Variants in SNX29 observed in about 807,000 individuals in gnomAD.
SNX29 encodes the protein sorting nexin 29, also known as sorting nexin-29.
SNX29 carries 78 observed loss-of-function variants against 102.1 expected under a neutral mutation model. The observed-to-expected ratio is 0.76, with a 90% confidence interval of 0.64 to 0.92. The LOEUF (loss-of-function observed/expected upper bound fraction) is 0.92. Ranked by LOEUF, SNX29 falls within the 40% of genes least tolerant of loss-of-function variation. The pLI is 0.00. For missense variants in SNX29, 1,280 were observed against 1,061.7 expected, an observed-to-expected ratio of 1.21 and a Z score of -2.86; for synonymous variants, 580 against 414.5, an observed-to-expected ratio of 1.40 and a Z score of -4.85.
chr16:12,280,263 G>C (rs1212531059), intron 15 of SNX29, among the ~76,000 whole-genome samples: 1 of 152,226 alleles, frequency 6.6e-6, no homozygotes, highest in Non-Finnish European at 1.5e-5. Context: ...GATGAGGGGA[G>C]AAAGGTGATG....
chr16:12,387,246 G>A lies in SNX29; in HGVS notation c.1900-11200G>A, dbSNP rs115617311. Among the ~76,000 whole-genome samples the A allele has an allele frequency of 4.2e-3, 635 of 152,278 alleles. 4 individuals are homozygous for A. Among genetic ancestry groups the A allele is most frequent in the African/African-American group, 0.015 (612 of 41,548 alleles). On this transcript the variant is annotated intron_variant, in intron 16 of 20. Coordinates refer to ENST00000566228, the MANE Select transcript of SNX29 (RefSeq NM_032167.5). ...CTGATTGGGAGGGAAGCAGGACTGCGGCAGTCCTCCTTGTTCCTCATCACA... is the reference window on the plus strand; with the variant it reads ...CTGATTGGGAGGGAAGCAGGACTGCAGCAGTCCTCCTTGTTCCTCATCACA...
intron 15 of SNX29, among the ~76,000 whole-genome samples, chr16:12,317,649 C>A (rs189925625): frequency 3.0e-4 from 45 of 152,356 alleles, no homozygotes; most frequent in African/African-American, 1.0e-3. Flanking sequence ...TTAATTAACA[C>A]CTGACATCAG....
intron 9 of SNX29, among the ~76,000 whole-genome samples, chr16:12,068,111 A>G (rs2051121532): frequency 6.6e-6 from 1 of 152,144 alleles, no homozygotes. Flanking sequence ...CAGCAAGCTG[A>G]TTCATTATAC....
At chr16:12,298,351 A>G (rs1202872424) in intron 15 of SNX29, among the ~76,000 whole-genome samples, 2 of 152,210 alleles carry the variant, frequency 1.3e-5, no homozygotes, top group African/African-American at 4.8e-5. Flanking sequence ...CATCCCCTGG[A>G]TGGTTTTCTG....
intron 14 of SNX29, among the ~76,000 whole-genome samples, chr16:12,252,752 G>C (rs2078458476): frequency 6.6e-6 from 1 of 152,196 alleles, no homozygotes; most frequent in Admixed American, 6.5e-5. Flanking sequence ...ACCCCTAAGA[G>C]GCAGCCGCCA....
At chr16:12,019,582 A>T (rs2056954882) in intron 3 of SNX29, among the ~76,000 whole-genome samples, 1 of 139,372 alleles carries the variant, frequency 7.2e-6, no homozygotes, top group Non-Finnish European at 1.6e-5. Context: ...ATATATGTAA[A>T]TATATATATA....
At chr16:12,472,639 TCA>T (rs1415980694) in intron 18 of SNX29, among the ~76,000 whole-genome samples, 1 of 151,908 alleles carries the variant, frequency 6.6e-6, no homozygotes, top group East Asian at 1.9e-4. Flanking sequence ...CAGTCAAGTC[TCA>T]TAGGAACACT....
intron 13 of SNX29, among the ~76,000 whole-genome samples, chr16:12,186,943 T>C (rs1453655320): frequency 1.3e-5 from 2 of 152,228 alleles, no homozygotes; most frequent in Admixed American, 6.5e-5. Context: ...AAGAGAGATG[T>C]AGCACTCAGT....
rs193066148 is a variant in SNX29 at position 12,572,765 on chromosome 16, G to C, written c.*4136G>C. On this transcript the variant is annotated 3_prime_UTR_variant, in exon 21 of 21. Transcript: ENST00000566228. ...GCTGGGTTTTCAGCTTCTGGGACCC[G>C]AGGAAGACCCCACCTCACTCCTCCT... 7.5e-6 allele frequency: 8 copies of C among 1,063,910 alleles called. No individual in the cohort carries two copies. Among genetic ancestry groups the C allele is most frequent in the Non-Finnish European group, 9.1e-6 (8 of 878,380 alleles). 65.9% of individuals were successfully genotyped at this position (1,063,910 alleles called of 1,614,324 possible). A position where few individuals can be genotyped will look rare whatever the true frequency, so the allele number is the denominator to read the frequency against.
At position 12,173,118 on chromosome 16, in the gene SNX29, C is replaced by T. The variant is rs553671457; in HGVS notation, c.1596-26483C>T. ...ATTGCTCTGCAAGGAAGTCAATTGG[C>T]GCCGGTAAGTTCTGTGGAACCGACA... On this transcript the variant is annotated intron_variant, in intron 13 of 20. Transcript: ENST00000566228. 4.9e-4 allele frequency among the ~76,000 whole-genome samples: 75 copies of T among 152,282 alleles called. 1 individual carries two copies. The Middle Eastern group carries it at 0.024, about 48-fold the overall frequency.
At chr16:12,181,640 G>A (rs2076387421) in intron 13 of SNX29, among the ~76,000 whole-genome samples, 1 of 151,964 alleles carries the variant, frequency 6.6e-6, no homozygotes, top group Admixed American at 6.5e-5. Flanking sequence ...ACCTGTTGGT[G>A]ATTTGCGGGG....
chr16:12,451,143 C>A (rs2086282792), intron 18 of SNX29, among the ~76,000 whole-genome samples: 1 of 152,176 alleles, frequency 6.6e-6, no homozygotes, highest in African/African-American at 2.4e-5. Flanking sequence ...TTTATTGATT[C>A]AACAATCTGC....
rs2057366429 is a variant in SNX29 at position 12,032,242 on chromosome 16, C to A, written c.247+4798C>A. The stretch of plus-strand genomic sequence containing the variant: ...TTTTGATGGAGCCTTGCTCTGTTGC[C>A]CAGTTTGCTGGAGTACAGTAAGTAG... On this transcript the variant is annotated intron_variant, in intron 4 of 20. Coordinates refer to ENST00000566228, the MANE Select transcript of SNX29 (RefSeq NM_032167.5). Among the ~76,000 whole-genome samples, 9 of 149,742 alleles carry A rather than the reference C, an allele frequency of 6.0e-5. 1 individual carries two copies. In the South Asian group the frequency reaches 1.9e-3, roughly 32 times the overall value.
rs772175264 is a variant in SNX29 at position 12,277,855 on chromosome 16, G to T, written c.1679-78G>T. Reference sequence around the variant, plus strand: ...CAGTCTGAAGTCATCTGAGAAAGAAGAATTTTTTCTTTTTTTACTGGGAGA... The same window carrying T: ...CAGTCTGAAGTCATCTGAGAAAGAATAATTTTTTCTTTTTTTACTGGGAGA... On this transcript the variant is annotated intron_variant, in intron 14 of 20. Transcript: ENST00000566228. The T allele has an allele frequency of 7.7e-6, 10 of 1,293,552 alleles. No individual in the cohort carries two copies. The Admixed American group carries it at 2.0e-4, about 26-fold the overall frequency. 80.1% of individuals were successfully genotyped at this position (1,293,552 alleles called of 1,614,324 possible).
At chr16:12,546,815 C>G (rs1030443315) in intron 20 of SNX29, 1 of 152,250 alleles carries the variant, frequency 6.6e-6, no homozygotes, top group Middle Eastern at 3.4e-3. Context: ...GGATTGCTTT[C>G]AAAATATATG....
At chr16:12,316,030 C>T (rs2080722243) in intron 15 of SNX29, among the ~76,000 whole-genome samples, 1 of 152,188 alleles carries the variant, frequency 6.6e-6, no homozygotes, top group African/African-American at 2.4e-5. Context: ...CAGCTGAGTG[C>T]TCCGAAGAAG....
At chr16:12,553,341 A>G (rs183897680) in intron 20 of SNX29, among the ~76,000 whole-genome samples, 1 of 152,312 alleles carries the variant, frequency 6.6e-6, no homozygotes, top group East Asian at 1.9e-4. Context: ...CAGGCAGAGA[A>G]ACCAGCTCGT....
intron 4 of SNX29, among the ~76,000 whole-genome samples, chr16:12,042,645 T>C (rs903881908): frequency 1.3e-5 from 2 of 152,226 alleles, no homozygotes; most frequent in African/African-American, 2.4e-5. Flanking sequence ...TGTTGCTGCA[T>C]AGGACACAAT....
intron 20 of SNX29, among the ~76,000 whole-genome samples, chr16:12,560,450 CTT>C (rs1243800258): frequency 6.6e-6 from 1 of 152,162 alleles, no homozygotes; most frequent in Admixed American, 6.5e-5. Context: ...AGCCCCGAGT[CTT>C]TTGGGTTCTT....
Sources: gnomAD v4.1 joint callset for allele counts (sites outside exome capture counted in the v4.1 genomes callset) on GRCh38, gnomAD v4.1.1 for gene constraint, MANE v1.5 for transcripts, NCBI Gene and HGNC (gene_info 2026-07-23, HGNC 2026-07-21) for gene names.